Variants in CDH12 observed in about 807,000 individuals in gnomAD.
The protein encoded by CDH12 is cadherin-12.
A neutral mutation model predicts 74.1 loss-of-function variants in CDH12; 41 were observed. The ratio of observed to expected loss-of-function variants is 0.55; its 90% CI spans 0.43 to 0.72. The LOEUF (loss-of-function observed/expected upper bound fraction) is 0.72. CDH12 is among the 30% of genes least tolerant of loss of function. The pLI is 0.00. For missense variants in CDH12, 945 were observed against 977.2 expected (o/e 0.97, Z 0.44); for synonymous variants, 399 against 355.0 (o/e 1.12, Z -1.39).
intron 6 of CDH12, among the ~76,000 whole-genome samples, chr5:21,856,258 G>A (rs1249595156): frequency 6.6e-6 from 1 of 151,622 alleles, no homozygotes; most frequent in Non-Finnish European, 1.5e-5. Flanking sequence ...GAAATCAACA[G>A]TTTATTAAGA....
chr5:22,439,680 A>G (rs1020786423), intron 2 of CDH12, among the ~76,000 whole-genome samples: 2 of 152,084 alleles, frequency 1.3e-5, no homozygotes, highest in South Asian at 2.1e-4. Context: ...CCAATTGTGT[A>G]CATCAAGGAA....
rs567907068 is a variant in CDH12 at position 21,951,383 on chromosome 5, C to T, written c.526+23708G>A. On this transcript the variant is annotated intron_variant, in intron 6 of 14. Coordinates refer to ENST00000382254, the MANE Select transcript of CDH12 (RefSeq NM_004061.5). ...GATTACAGGCACGTGCCACCACATA[C>T]GGCTAATTTTTGTATTTTTAGTAGA... is the stretch of plus-strand genomic sequence containing the variant. 3.8e-3 allele frequency among the ~76,000 whole-genome samples: 584 copies of T among 152,134 alleles called. 1 individual carries two copies. Among genetic ancestry groups the T allele is most frequent in the Middle Eastern group, 6.8e-3 (2 of 294 alleles).
chr5:22,822,986 A>T (rs1267798623), intron 1 of CDH12, among the ~76,000 whole-genome samples: 1 of 152,192 alleles, frequency 6.6e-6, no homozygotes, highest in Non-Finnish European at 1.5e-5. Flanking sequence ...ACCAACCCAA[A>T]TGTCCAACAA....
intron 6 of CDH12, among the ~76,000 whole-genome samples, chr5:21,924,791 T>C (rs1016642639): frequency 6.6e-6 from 1 of 152,190 alleles, no homozygotes; most frequent in African/African-American, 2.4e-5. Context: ...TTAGAACACT[T>C]ACTATCTACA....
intron 8 of CDH12, among the ~76,000 whole-genome samples, chr5:21,818,181 C>T (rs191939216): frequency 2.0e-5 from 3 of 151,966 alleles, no homozygotes; most frequent in East Asian, 1.9e-4. Flanking sequence ...TGGAGTTCCA[C>T]TTTCAGTTTC....
At chr5:22,073,001 T>G (rs562464687) in intron 5 of CDH12, among the ~76,000 whole-genome samples, 3 of 152,220 alleles carry the variant, frequency 2.0e-5, no homozygotes, top group African/African-American at 4.8e-5. Context: ...ATAGCAATAA[T>G]AAGAAGATCA....
chr5:21,795,954 T>C (rs1746755661), intron 10 of CDH12, among the ~76,000 whole-genome samples: 2 of 152,084 alleles, frequency 1.3e-5, no homozygotes, highest in Non-Finnish European at 2.9e-5. Context: ...ATTTGGAATA[T>C]AAGATCATTT....
chr5:22,060,959 T>C (rs1223588661), intron 5 of CDH12, among the ~76,000 whole-genome samples: 1 of 152,180 alleles, frequency 6.6e-6, no homozygotes, highest in Non-Finnish European at 1.5e-5. Flanking sequence ...CAATGGGAAC[T>C]GAGTCCATTC....
intron 4 of CDH12, among the ~76,000 whole-genome samples, chr5:22,209,395 A>T (rs1271294807): frequency 6.6e-6 from 1 of 152,194 alleles, no homozygotes; most frequent in Non-Finnish European, 1.5e-5. Context: ...TTCAATTCCA[A>T]CAGTTAGTTT....
At chr5:22,368,482 T>TC (rs1166426488) in intron 3 of CDH12, among the ~76,000 whole-genome samples, 1 of 150,840 alleles carries the variant, frequency 6.6e-6, no homozygotes, top group African/African-American at 2.4e-5. Flanking sequence ...TTTTTTTTTT[T>TC]TTGCAGAGAC....
intron 1 of CDH12, among the ~76,000 whole-genome samples, chr5:22,792,043 C>T (rs1461824737): frequency 6.7e-6 from 1 of 149,860 alleles, no homozygotes; most frequent in African/African-American, 2.5e-5. Context: ...ATGGTAATGC[C>T]TTTATAAGCA....
At chr5:21,923,237 A>T (rs1754439509) in intron 6 of CDH12, among the ~76,000 whole-genome samples, 1 of 152,184 alleles carries the variant, frequency 6.6e-6, no homozygotes, top group African/African-American at 2.4e-5. Context: ...AATCAAATTC[A>T]AATTTCTATT....
intron 3 of CDH12, among the ~76,000 whole-genome samples, chr5:22,302,821 G>A (rs1737947354): frequency 2.0e-5 from 3 of 152,044 alleles, no homozygotes; most frequent in Admixed American, 2.0e-4. Context: ...CATCATGAAT[G>A]TTAAGTGCAC....
At chr5:22,624,105 T>G (rs575952105) in intron 1 of CDH12, among the ~76,000 whole-genome samples, 1 of 152,312 alleles carries the variant, frequency 6.6e-6, no homozygotes, top group Non-Finnish European at 1.5e-5. Context: ...GAAAACTGGC[T>G]AGCCATATGT....
chr5:21,892,726 G>A (rs1227317672), intron 6 of CDH12, among the ~76,000 whole-genome samples: 1 of 151,838 alleles, frequency 6.6e-6, no homozygotes, highest in Non-Finnish European at 1.5e-5. Flanking sequence ...TGGTTCACAA[G>A]GATATGACCT....
At chr5:22,845,578 T>C (rs575197819) in intron 1 of CDH12, among the ~76,000 whole-genome samples, 3 of 152,166 alleles carry the variant, frequency 2.0e-5, no homozygotes, top group African/African-American at 7.2e-5. Flanking sequence ...GTAGGTCCTA[T>C]TTTATAAAAT....
intron 2 of CDH12, among the ~76,000 whole-genome samples, chr5:22,488,751 C>G (rs1746713586): frequency 6.6e-6 from 1 of 152,100 alleles, no homozygotes; most frequent in African/African-American, 2.4e-5. Context: ...AACCTGCTTA[C>G]CCTGCCTCAT....
At chr5:22,239,101 A>T (rs1234493979) in intron 3 of CDH12, among the ~76,000 whole-genome samples, 1 of 152,202 alleles carries the variant, frequency 6.6e-6, no homozygotes, top group African/African-American at 2.4e-5. Context: ...TAATTATGAA[A>T]ATTAGTAAAG....
chr5:22,452,801 G>GA (rs1226971795), intron 2 of CDH12, among the ~76,000 whole-genome samples: 3 of 114,736 alleles, frequency 2.6e-5, no homozygotes, highest in Non-Finnish European at 5.2e-5. Context: ...TGGAATGGGA[G>GA]AAAAAATATT....
Sources: allele counts gnomAD v4.1 joint callset (sites outside exome capture counted in the v4.1 genomes callset), GRCh38; gene constraint gnomAD v4.1.1; transcripts MANE v1.5; gene names NCBI Gene and HGNC (gene_info 2026-07-23, HGNC 2026-07-21).